The following USP15 variants were observed in gnomAD, a reference collection of about 807,000 sequenced individuals.
USP15 encodes the protein ubiquitin specific peptidase 15.
A neutral mutation model predicts 127.1 loss-of-function variants in USP15; 18 were observed. The observed-to-expected ratio is 0.14, with a 90% confidence interval of 0.10 to 0.21. The LOEUF (loss-of-function observed/expected upper bound fraction) is 0.21, where lower values mean the gene tolerates loss of function less well. Ranked by LOEUF, USP15 falls within the 10% of genes least tolerant of loss-of-function variation. The pLI is 1.00. For missense variants in USP15, 805 were observed against 1,159.9 expected (o/e 0.69, Z 4.44); for synonymous variants, 364 against 393.7 (o/e 0.92, Z 0.89).
In USP15 at chr12:62,406,160, T is replaced by TC. The variant is rs558705853; in HGVS notation, c.*1789dup. The TC allele has an allele frequency of 2.8e-3, 423 of 152,184 alleles. 1 individual carries two copies. Among genetic ancestry groups the TC allele is most frequent in the African/African-American group, 9.7e-3 (401 of 41,546 alleles). 9.4% of individuals were successfully genotyped at this position (152,184 alleles called of 1,614,324 possible). ...CTTACTCTTAATCTTTTAATAAAAA[T>TC]CCCCTACTTTATGGTTAGATGACTA... is the stretch of plus-strand genomic sequence containing the variant. On this transcript the variant is annotated 3_prime_UTR_variant, in exon 22 of 22. Coordinates refer to ENST00000280377, the MANE Select transcript of USP15 (RefSeq NM_001252078.2).
At chr12:62,365,686 G>T (rs1266814196) in intron 8 of USP15, among the ~76,000 whole-genome samples, 1 of 152,118 alleles carries the variant, frequency 6.6e-6, no homozygotes, top group East Asian at 1.9e-4. Flanking sequence ...GTGGTTTTAG[G>T]TCTTACATTT....
intron 2 of USP15, among the ~76,000 whole-genome samples, chr12:62,298,536 C>T (rs777278480): frequency 3.3e-5 from 5 of 151,894 alleles, no homozygotes; most frequent in Admixed American, 6.6e-5. Context: ...TGTGGTGGCG[C>T]GCACTTGTAG....
intron 4 of USP15, among the ~76,000 whole-genome samples, chr12:62,320,962 A>C (rs986284360): frequency 1.3e-5 from 2 of 152,140 alleles, no homozygotes; most frequent in African/African-American, 4.8e-5. Flanking sequence ...TGGTGAATAC[A>C]GACATCCCTT....
intron 8 of USP15, among the ~76,000 whole-genome samples, chr12:62,362,081 A>C (rs2066335108): frequency 1.3e-5 from 2 of 152,088 alleles, no homozygotes; most frequent in Admixed American, 1.3e-4. Flanking sequence ...GGGCATAAGA[A>C]TCTCTATTCC....
chr12:62,339,979 C>T (rs1285232294), intron 6 of USP15, among the ~76,000 whole-genome samples: 2 of 152,070 alleles, frequency 1.3e-5, no homozygotes, highest in African/African-American at 4.8e-5. Context: ...CCTCTTTGTA[C>T]CTCTGGTACA....
intron 6 of USP15, chr12:62,336,011 C>T (rs1471640500): frequency 3.0e-6 from 3 of 984,398 alleles, no homozygotes; most frequent in Admixed American, 6.2e-5. Flanking sequence ...AGGCATCATT[C>T]ATATCATATG....
Position 62,389,896 on chromosome 12 carries a change from T to C in USP15, c.1752T>C (p.Thr584=). ...KFRHSSYTHH[T]GSSLFGQPFL... Reference sequence around the variant, plus strand: ...GACACTCGAGTTATACCCACCATACTGGTTCTTCACTTTTTGGTCAGCCCT... The same window carrying C: ...GACACTCGAGTTATACCCACCATACCGGTTCTTCACTTTTTGGTCAGCCCT... Residue 584 remains threonine, a synonymous_variant, in exon 14 of 22, where the codon ACT becomes ACC. Transcript: ENST00000280377. 6.2e-7 allele frequency: 1 copy of C among 1,613,956 alleles called. No homozygotes were observed. Among genetic ancestry groups the C allele is most frequent in the Non-Finnish European group, 8.5e-7 (1 of 1,179,906 alleles).
At chr12:62,325,424 C>T (rs997967348) in intron 5 of USP15, among the ~76,000 whole-genome samples, 2 of 151,996 alleles carry the variant, frequency 1.3e-5, no homozygotes, top group African/African-American at 2.4e-5. Context: ...TGTCGCCCTT[C>T]GTCTGCATTT....
At chr12:62,337,604 T>A (rs775090) in intron 6 of USP15, among the ~76,000 whole-genome samples, 5 of 151,828 alleles carry the variant, frequency 3.3e-5, no homozygotes, top group African/African-American at 4.8e-5. Flanking sequence ...ATGCATTAGG[T>A]ATTTGTCCTA....
Position 62,383,878 on chromosome 12 carries a change from T to C in USP15, c.1128T>C (p.Tyr376=), listed in dbSNP as rs746856500. The change falls in exon 10 of 22, where the codon TAT becomes TAC. Residue 376 remains tyrosine (Y), a synonymous_variant. Coordinates refer to ENST00000280377, the MANE Select transcript of USP15 (RefSeq NM_001252078.2). ...GTTTTGCACCTCAGTTCTCTGGATA[T>C]CAGCAGCAAGACTGTCAAGAACTGT... ...VGRFAPQFSG[Y]QQQDCQELLA... 1.2e-6 allele frequency: 2 copies of C among 1,612,884 alleles called. No individual in the cohort carries two copies. Among genetic ancestry groups the C allele is most frequent in the Non-Finnish European group, 1.7e-6 (2 of 1,179,096 alleles).
chr12:62,302,210 T>C (rs1178194298), intron 2 of USP15, among the ~76,000 whole-genome samples: 3 of 152,188 alleles, frequency 2.0e-5, no homozygotes, highest in Non-Finnish European at 4.4e-5. Context: ...TTGGTGTCAT[T>C]GTAAAAGGTT....
rs536039690 is a variant in USP15, at chr12:62,393,241, T to A, written c.2570+39T>A. On this transcript the variant is annotated intron_variant, in intron 19 of 21. Coordinates refer to ENST00000280377, the MANE Select transcript of USP15 (RefSeq NM_001252078.2). ...GTACTTTATAAGCATTGGGCAACTCTTCTTTCAAACTTATTTGATGCTTTT... is the reference window on the plus strand; with the variant it reads ...GTACTTTATAAGCATTGGGCAACTCATCTTTCAAACTTATTTGATGCTTTT... The A allele has an allele frequency of 3.2e-6, 5 of 1,583,524 alleles. No homozygotes were observed. In the East Asian group the frequency reaches 1.1e-4, roughly 36 times the overall value.
intron 3 of USP15, among the ~76,000 whole-genome samples, chr12:62,313,762 G>A (rs910107884): frequency 1.3e-5 from 2 of 151,718 alleles, no homozygotes; most frequent in African/African-American, 4.8e-5. Flanking sequence ...ATTGTAACAA[G>A]TATGATTAAG....
rs746990955 is a variant in USP15 at position 62,381,681 on chromosome 12, A to T, written c.1089+18A>T. ...CCTTTAAGGTTAGTGTGGTAAATGC[A>T]TTTTAGCAAGGGTACCTGCAAGGGT... On this transcript the variant is annotated intron_variant, in intron 9 of 21. Transcript: ENST00000280377. 7.5e-6 allele frequency: 12 copies of T among 1,597,326 alleles called. No homozygotes were observed. In the Admixed American group the frequency reaches 2.1e-4, roughly 27 times the overall value.
At chr12:62,398,667 C>T (rs2067577112) in intron 20 of USP15, among the ~76,000 whole-genome samples, 1 of 152,054 alleles carries the variant, frequency 6.6e-6, no homozygotes, top group Admixed American at 6.6e-5. Flanking sequence ...CTTTAGGAGT[C>T]CGAAAGTTGT....
chr12:62,337,643 C>G (rs564008764), intron 6 of USP15, among the ~76,000 whole-genome samples: 61 of 151,678 alleles, frequency 4.0e-4, no homozygotes, highest in Non-Finnish European at 7.7e-4. Flanking sequence ...CCCCCACCCC[C>G]CAACAGGCCC....
intron 6 of USP15, among the ~76,000 whole-genome samples, chr12:62,345,510 A>T (rs1229761075): frequency 6.6e-6 from 1 of 152,182 alleles, no homozygotes; most frequent in African/African-American, 2.4e-5. Context: ...GGAAGTTCCA[A>T]ACTTTCCCAC....
chr12:62,266,512 C>G (rs2063196145), intron 1 of USP15, among the ~76,000 whole-genome samples: 1 of 150,014 alleles, frequency 6.7e-6, no homozygotes, highest in South Asian at 2.2e-4. Flanking sequence ...ATAAAACAGT[C>G]AATTTTGCTA....
At chr12:62,305,548 T>C (rs2064458269) in intron 3 of USP15, 1 of 152,094 alleles carries the variant, frequency 6.6e-6, no homozygotes, top group Non-Finnish European at 1.5e-5. Context: ...ATCTTAAGAA[T>C]GGAAGGAAAA....
Sources: allele counts gnomAD v4.1 joint callset (sites outside exome capture counted in the v4.1 genomes callset), GRCh38; gene constraint gnomAD v4.1.1; transcripts MANE v1.5; gene names NCBI Gene and HGNC (gene_info 2026-07-23, HGNC 2026-07-21).